PDSS1: variants seen among roughly 807,000 people sequenced by gnomAD.
PDSS1 encodes the protein decaprenyl diphosphate synthase subunit 1.
A neutral mutation model predicts 57.5 loss-of-function variants in PDSS1; 43 were observed. The ratio of observed to expected loss-of-function variants is 0.75; its 90% CI spans 0.59 to 0.96. PDSS1 has a LOEUF of 0.96. PDSS1 is among the 50% of genes least tolerant of loss of function. The pLI, the probability that PDSS1 is intolerant of heterozygous loss-of-function variation, is 0.00. For missense variants in PDSS1, 438 were observed against 527.8 expected (o/e 0.83, Z 1.67); for synonymous variants, 175 against 191.3 (o/e 0.91, Z 0.70).
Position 26,727,334 on chromosome 10 carries a change from CTCTCTCTT to C in PDSS1, c.831+3213_831+3220del, listed in dbSNP as rs1459208192. Among the ~76,000 whole-genome samples, 3 of 117,226 alleles carry C rather than the reference CTCTCTCTT, an allele frequency of 2.6e-5. No individual in the cohort carries two copies. The Admixed American group carries it at 2.9e-4, about 11-fold the overall frequency. The allele number at this position is 117,226 out of a possible 152,430, so 76.9% of individuals were successfully genotyped here. A position where few individuals can be genotyped will look rare whatever the true frequency, so the allele number is the denominator to read the frequency against. On this transcript the variant is annotated intron_variant, in intron 8 of 11. Transcript: ENST00000376215. ...AATCCTGCCTTGTTTCTCTCTCTCT[CTCTCTCTT>C]TTTTTTTTTTTTTCTGAATTTCTAT... is the stretch of plus-strand genomic sequence containing the variant.
chr10:26,715,051 G>T (rs894301233), intron 5 of PDSS1: 2 of 152,228 alleles, frequency 1.3e-5, no homozygotes, highest in Non-Finnish European at 2.9e-5. Context: ...CCTGGTTTCT[G>T]TGTGTTCTGT....
intron 4 of PDSS1, 86 bp downstream of exon 4, chr10:26,705,480 T>C: frequency 1.8e-6 from 1 of 555,290 alleles, no homozygotes; most frequent in Non-Finnish European, 3.0e-6. Context: ...CTTATAATTA[T>C]TATTATTTTT....
At chr10:26,741,087 A>C (rs999525034) in intron 10 of PDSS1, among the ~76,000 whole-genome samples, 1 of 152,046 alleles carries the variant, frequency 6.6e-6, no homozygotes, top group African/African-American at 2.4e-5. Context: ...GGCACATTAA[A>C]AATACCAGGG....
Position 26,697,733 on chromosome 10 carries a change from T to TGGCGGC in PDSS1, c.24_29dup (p.Arg9_Arg10dup), listed in dbSNP as rs1323738387. ...GACCATGGCCTCGCGCTGGTGGCGG[T>TGGCGGC]GGCGGCGCGGCTGCTCCTGGAAGCC... is the stretch of plus-strand genomic sequence containing the variant. On this transcript the variant is annotated inframe_insertion, in exon 1 of 12. Transcript: ENST00000376215. 1 of 1,296,286 alleles carries TGGCGGC rather than the reference T, an allele frequency of 7.7e-7. No individual in the cohort carries two copies. The highest frequency in any genetic ancestry group is 9.7e-7 in the Non-Finnish European group (1 of 1,026,584). The allele number at this position is 1,296,286 out of a possible 1,614,324, so 80.3% of individuals were successfully genotyped here. A position where few individuals can be genotyped will look rare whatever the true frequency, so the allele number is the denominator to read the frequency against.
At chr10:26,727,411 C>T (rs1835994066) in intron 8 of PDSS1, among the ~76,000 whole-genome samples, 1 of 149,578 alleles carries the variant, frequency 6.7e-6, no homozygotes, top group Non-Finnish European at 1.5e-5. Flanking sequence ...GGGCTCTCTT[C>T]CTATTACTTG....
chr10:26,697,710 C>T lies in PDSS1; in HGVS notation c.-2C>T. ...CCCTGCCGCGACTTTCAGACTCCGA[C>T]CATGGCCTCGCGCTGGTGGCGGTGG... On this transcript the variant is annotated 5_prime_UTR_variant, in exon 1 of 12. Transcript: ENST00000376215. 1 of 1,297,260 alleles carries T rather than the reference C, an allele frequency of 7.7e-7. No homozygotes were observed. 80.4% of individuals were successfully genotyped at this position (1,297,260 alleles called of 1,614,324 possible).
intron 5 of PDSS1, among the ~76,000 whole-genome samples, chr10:26,716,861 C>T (rs1408401660): frequency 6.6e-6 from 1 of 152,122 alleles, no homozygotes; most frequent in Admixed American, 6.6e-5. Flanking sequence ...TCTCCCAGAT[C>T]CTGGGAAAAT....
intron 6 of PDSS1, among the ~76,000 whole-genome samples, chr10:26,723,290 A>G (rs1026606130): frequency 1.3e-5 from 2 of 152,222 alleles, no homozygotes; most frequent in Non-Finnish European, 2.9e-5. Flanking sequence ...TTTGAGCAGA[A>G]GGAACAGTAA....
chr10:26,730,000 C>A (rs1469264819), intron 8 of PDSS1, among the ~76,000 whole-genome samples: 2 of 146,452 alleles, frequency 1.4e-5, no homozygotes, highest in Non-Finnish European at 3.0e-5. Flanking sequence ...GCAAGCTCTG[C>A]CTCCCGGGTT....
chr10:26,743,111 A>G (rs898107262), intron 11 of PDSS1, among the ~76,000 whole-genome samples: 1 of 152,396 alleles, frequency 6.6e-6, no homozygotes. Context: ...ATACATTTAT[A>G]TAAATGTTTT....
Position 26,705,304 on chromosome 10 carries a change from A to T in PDSS1, c.246A>T (p.Pro82=). The change falls in exon 4 of 12, where the codon CCA becomes CCT. Residue 82 remains proline (P), a synonymous_variant. Transcript: ENST00000376215. Reference sequence around the variant, plus strand: ...GTCCCAGGTTTCATCACACAACCCCAGACAGTAAAACACACAGTGGTGAAA... The same window carrying T: ...GTCCCAGGTTTCATCACACAACCCCTGACAGTAAAACACACAGTGGTGAAA... ...CRISRFHHTT[P]DSKTHSGEKY... 1 of 1,611,080 alleles carries T rather than the reference A, an allele frequency of 6.2e-7. No homozygotes were observed. Among genetic ancestry groups the T allele is most frequent in the African/African-American group, 1.3e-5 (1 of 74,986 alleles).
At chr10:26,732,164 G>A (rs1049487294) in intron 8 of PDSS1, among the ~76,000 whole-genome samples, 16 of 152,234 alleles carry the variant, frequency 1.1e-4, no homozygotes, top group African/African-American at 3.9e-4. Context: ...GATGCTGAGC[G>A]CAAGTCTGTG....
chr10:26,727,683 A>G (rs1836005261), intron 8 of PDSS1, among the ~76,000 whole-genome samples: 3 of 151,220 alleles, frequency 2.0e-5, no homozygotes, highest in Non-Finnish European at 4.4e-5. Flanking sequence ...TTTTTTTACA[A>G]TATTCATATC....
intron 11 of PDSS1, among the ~76,000 whole-genome samples, chr10:26,744,090 G>C (rs1404834517): frequency 6.6e-6 from 1 of 152,072 alleles, no homozygotes; most frequent in Non-Finnish European, 1.5e-5. Context: ...AACAGAAAGG[G>C]GGAAATAGTG....
chr10:26,727,669 C>CTTT (rs56938903), intron 8 of PDSS1, among the ~76,000 whole-genome samples: 1 of 147,052 alleles, frequency 6.8e-6, no homozygotes, highest in South Asian at 2.2e-4. Flanking sequence ...CACCTGGCCT[C>CTTT]TTTTTTTTTT....
rs141908244 is a variant in PDSS1, at chr10:26,707,605, T to G, written c.337-2033T>G. Among the ~76,000 whole-genome samples, 171 of 152,294 alleles carry G rather than the reference T, an allele frequency of 1.1e-3. 1 individual carries two copies. The highest frequency in any genetic ancestry group is 4.0e-3 in the African/African-American group (165 of 41,580). ...TGTTCCCCCTCCTTATCCTGAGGCT[T>G]TTCTTCGGTTCATCACCTCCAGCTC... is the stretch of plus-strand genomic sequence containing the variant. On this transcript the variant is annotated intron_variant, in intron 4 of 11. Coordinates refer to ENST00000376215, the MANE Select transcript of PDSS1 (RefSeq NM_014317.5).
At chr10:26,704,057 G>C (rs1173905897) in intron 2 of PDSS1, among the ~76,000 whole-genome samples, 1 of 89,186 alleles carries the variant, frequency 1.1e-5, no homozygotes, top group African/African-American at 3.6e-5. Flanking sequence ...ACTCCAGCCT[G>C]GACGACAGAA....
At chr10:26,736,252 C>A in intron 10 of PDSS1, among the ~76,000 whole-genome samples, 1 of 152,232 alleles carries the variant, frequency 6.6e-6, no homozygotes, top group Non-Finnish European at 1.5e-5. Flanking sequence ...TCCTCCAGAC[C>A]CTGCCACATG....
intron 5 of PDSS1, among the ~76,000 whole-genome samples, chr10:26,719,778 G>C (rs1835722897): frequency 6.6e-6 from 1 of 152,114 alleles, no homozygotes; most frequent in South Asian, 2.1e-4. Flanking sequence ...AAACAAAAAA[G>C]ACAGTATTAA....
Sources: gnomAD v4.1 joint callset for allele counts (sites outside exome capture counted in the v4.1 genomes callset) on GRCh38, gnomAD v4.1.1 for gene constraint, MANE v1.5 for transcripts, NCBI Gene and HGNC (gene_info 2026-07-23, HGNC 2026-07-21) for gene names.